Variants in ATP10B observed in about 807,000 individuals in gnomAD.
ATP10B encodes phospholipid-transporting ATPase VB.
In ATP10B, 122 loss-of-function variants were observed where a neutral mutation model predicts 141.2. The observed-to-expected ratio is 0.86, with a 90% confidence interval of 0.75 to 1.00. The LOEUF (loss-of-function observed/expected upper bound fraction) is 1.00. Among genes scored for constraint, ATP10B ranks in the 50% least tolerant of loss-of-function variants. ATP10B has a pLI of 0.00. For synonymous variants in ATP10B, 685 were observed against 692.0 expected (o/e 0.99, Z 0.16); for missense variants, 1,876 against 1,825.3 (o/e 1.03, Z -0.51).
the ATP10B span, among the ~76,000 whole-genome samples, chr5:160,886,946 C>T: frequency 1.3e-5 from 2 of 152,192 alleles, no homozygotes; most frequent in Non-Finnish European, 2.9e-5. Flanking sequence ...TTTTACCCTC[C>T]AGCAGGAAAT....
the ATP10B span, among the ~76,000 whole-genome samples, chr5:160,890,906 C>T: frequency 6.6e-6 from 1 of 152,132 alleles, no homozygotes; most frequent in Admixed American, 6.6e-5. Context: ...AGACAGGTCT[C>T]ACTATGTTGA....
intron 6 of ATP10B, among the ~76,000 whole-genome samples, chr5:160,676,332 C>G (rs1755482157): frequency 6.6e-6 from 1 of 152,154 alleles, no homozygotes; most frequent in Admixed American, 6.5e-5. Context: ...GATTCTTCAG[C>G]CTGGGGGTAT....
chr5:160,925,456 G>A, the ATP10B span, among the ~76,000 whole-genome samples: 6 of 152,320 alleles, frequency 3.9e-5, no homozygotes, highest in African/African-American at 1.4e-4. Flanking sequence ...TGGGAAAATT[G>A]CCCAAGGTCA....
intron 2 of ATP10B, among the ~76,000 whole-genome samples, chr5:160,749,275 C>G (rs1767998078): frequency 6.6e-6 from 1 of 152,206 alleles, no homozygotes; most frequent in Non-Finnish European, 1.5e-5. Context: ...CTCTGTTACA[C>G]ATAAGGAATT....
intron 1 of ATP10B, among the ~76,000 whole-genome samples, chr5:160,804,838 C>T (rs1002458403): frequency 6.6e-6 from 1 of 152,098 alleles, no homozygotes; most frequent in Admixed American, 6.5e-5. Flanking sequence ...ATTGTGAAGG[C>T]TAGTTGGATT....
chr5:160,651,877 T>G (rs964228071), intron 7 of ATP10B, among the ~76,000 whole-genome samples: 2 of 152,142 alleles, frequency 1.3e-5, no homozygotes, highest in African/African-American at 4.8e-5. Context: ...TGACAAATCA[T>G]GCTGTAATTT....
chr5:160,647,094 C>G (rs1760339940), intron 8 of ATP10B, among the ~76,000 whole-genome samples: 1 of 152,196 alleles, frequency 6.6e-6, no homozygotes, highest in Non-Finnish European at 1.5e-5. Context: ...AACCACTGCT[C>G]TGTAGAGATT....
At chr5:160,749,115 T>A (rs181908201) in intron 2 of ATP10B, among the ~76,000 whole-genome samples, 42 of 152,262 alleles carry the variant, frequency 2.8e-4, no homozygotes, top group African/African-American at 9.6e-4. Context: ...CAGAAGTGAG[T>A]TATTAGTATT....
chr5:160,738,058 A>G (rs1767239255), intron 2 of ATP10B, among the ~76,000 whole-genome samples: 1 of 152,142 alleles, frequency 6.6e-6, no homozygotes, highest in South Asian at 2.1e-4. Flanking sequence ...AAAATCAATA[A>G]ATCTAAAAAG....
intron 23 of ATP10B, 52 bp from the exon 24 acceptor site, chr5:160,589,748 T>C: frequency 7.2e-7 from 1 of 1,383,106 alleles, no homozygotes. Context: ...GGACTAACTT[T>C]GGCTTTGACA....
intron 7 of ATP10B, among the ~76,000 whole-genome samples, chr5:160,663,573 G>C (rs1762103563): frequency 6.6e-6 from 1 of 152,096 alleles, no homozygotes; most frequent in Non-Finnish European, 1.5e-5. Flanking sequence ...CTCACTCATA[G>C]ATGGGAATTG....
At chr5:160,816,579 AG>A (rs1773650136) in intron 1 of ATP10B, among the ~76,000 whole-genome samples, 1 of 152,224 alleles carries the variant, frequency 6.6e-6, no homozygotes, top group South Asian at 2.1e-4. Context: ...AGGTACAAGG[AG>A]GGGCTGGTAC....
the ATP10B span, among the ~76,000 whole-genome samples, chr5:160,903,033 TA>T: frequency 1.4e-4 from 21 of 152,146 alleles, no homozygotes; most frequent in Non-Finnish European, 7.4e-5. Context: ...TACTTTGCCT[TA>T]AAAACTAATG....
intron 1 of ATP10B, among the ~76,000 whole-genome samples, chr5:160,805,875 A>G (rs1050337777): frequency 2.0e-5 from 3 of 152,194 alleles, no homozygotes; most frequent in Admixed American, 6.5e-5. Context: ...GGCTCACACA[A>G]TGATGGAGGC....
the ATP10B span, among the ~76,000 whole-genome samples, chr5:160,875,976 T>C: frequency 1.5e-4 from 9 of 58,526 alleles, no homozygotes; most frequent in Admixed American, 9.8e-4. Flanking sequence ...GACAGATCAA[T>C]GAGACAGAAA....
chr5:160,784,857 C>A (rs996689264), intron 2 of ATP10B, among the ~76,000 whole-genome samples: 15 of 152,102 alleles, frequency 9.9e-5, no homozygotes, highest in African/African-American at 3.1e-4. Context: ...TTTACAATCA[C>A]TATTCTTTCT....
At chr5:160,922,100 A>C in the ATP10B span, among the ~76,000 whole-genome samples, 3 of 152,214 alleles carry the variant, frequency 2.0e-5, no homozygotes, top group Non-Finnish European at 2.9e-5. Context: ...GTCTGGCTTG[A>C]GAAAAGTCAG....
rs182606750 is a variant in ATP10B, at chr5:160,798,439, C to A, written c.-575-12636G>T. On this transcript the variant is annotated intron_variant, in intron 1 of 25. Coordinates refer to ENST00000327245, the MANE Select transcript of ATP10B (RefSeq NM_025153.3). The stretch of plus-strand genomic sequence containing the variant: ...CAAGAAGAGAAAACAGATGCAGAGA[C>A]AAAGACAGAGACAGACAGGGAAGAA... Among the ~76,000 whole-genome samples the A allele has an allele frequency of 9.5e-4, 145 of 152,222 alleles. 1 individual carries two copies. Among genetic ancestry groups the A allele is most frequent in the Non-Finnish European group, 1.7e-3 (118 of 68,006 alleles).
At chr5:160,604,758 G>A (rs1039766008) in intron 19 of ATP10B, among the ~76,000 whole-genome samples, 10 of 152,120 alleles carry the variant, frequency 6.6e-5, no homozygotes, top group African/African-American at 1.9e-4. Context: ...TACCAAGACT[G>A]TTCAAGATCT....
Sources: allele counts gnomAD v4.1 joint callset (sites outside exome capture counted in the v4.1 genomes callset), GRCh38; gene constraint gnomAD v4.1.1; transcripts MANE v1.5; gene names NCBI Gene and HGNC (gene_info 2026-07-23, HGNC 2026-07-21).